The following RAP1GDS1 variants were observed in gnomAD, a reference collection of about 807,000 sequenced individuals.
RAP1GDS1 encodes the protein RAP1, GTP-GDP dissociation stimulator 1.
Under a neutral mutation model 71.1 loss-of-function variants are expected in RAP1GDS1, and 35 were observed. The ratio of observed to expected loss-of-function variants is 0.49; its 90% CI spans 0.38 to 0.65. RAP1GDS1 has a LOEUF of 0.65. Among genes scored for constraint, RAP1GDS1 ranks in the 30% least tolerant of loss-of-function variants. The pLI is 0.00. For missense variants in RAP1GDS1, 663 were observed against 706.1 expected, an observed-to-expected ratio of 0.94 and a Z score of 0.69; for synonymous variants, 229 against 243.1, an observed-to-expected ratio of 0.94 and a Z score of 0.54.
intron 1 of RAP1GDS1, among the ~76,000 whole-genome samples, chr4:98,275,800 T>C (rs1474528231): frequency 2.0e-5 from 3 of 152,166 alleles, no homozygotes; most frequent in Admixed American, 6.6e-5. Flanking sequence ...TTTAATATCA[T>C]TGGGTTCCCT....
At chr4:98,313,911 G>A (rs1730606572) in intron 2 of RAP1GDS1, among the ~76,000 whole-genome samples, 1 of 152,076 alleles carries the variant, frequency 6.6e-6, no homozygotes, top group African/African-American at 2.4e-5. Flanking sequence ...ACCTCACAAG[G>A]AGGCTCCAAA....
chr4:98,310,223 A>C (rs1286791948), intron 2 of RAP1GDS1, among the ~76,000 whole-genome samples: 1 of 152,112 alleles, frequency 6.6e-6, no homozygotes, highest in East Asian at 1.9e-4. Context: ...GTATGTGCCA[A>C]ACATTGTGCT....
intron 1 of RAP1GDS1, among the ~76,000 whole-genome samples, chr4:98,279,131 G>A (rs1406746294): frequency 2.0e-5 from 3 of 152,096 alleles, no homozygotes; most frequent in Non-Finnish European, 4.4e-5. Flanking sequence ...GGCTGAGGCA[G>A]GAGAATGGCA....
At chr4:98,310,544 G>T (rs77571958) in intron 2 of RAP1GDS1, among the ~76,000 whole-genome samples, 10,044 of 152,176 alleles carry the variant, frequency 0.066, 372 homozygotes, top group Admixed American at 0.13. Context: ...TTTGATTTTT[G>T]ATTGAATTCG....
chr4:98,322,967 G>A (rs1033977904), intron 2 of RAP1GDS1, among the ~76,000 whole-genome samples: 26 of 147,188 alleles, frequency 1.8e-4, no homozygotes, highest in East Asian at 1.2e-3. Flanking sequence ...CCTTCAAAAA[G>A]TCAATGAATC....
At chr4:98,388,104 T>G (rs1401581951) in intron 5 of RAP1GDS1, among the ~76,000 whole-genome samples, 1 of 152,162 alleles carries the variant, frequency 6.6e-6, no homozygotes, top group Non-Finnish European at 1.5e-5. Flanking sequence ...GAATATCAAC[T>G]TATCCTACAC....
rs550102696 is a variant in RAP1GDS1, at chr4:98,328,388, C to G, written c.113-14751C>G. Among the ~76,000 whole-genome samples, 9 of 152,256 alleles carry G rather than the reference C, an allele frequency of 5.9e-5. No individual in the cohort carries two copies. The East Asian group carries it at 1.3e-3, about 23-fold the overall frequency. On this transcript the variant is annotated intron_variant, in intron 2 of 14. Transcript: ENST00000408927. Reference sequence around the variant, plus strand: ...TCTTGTTCCAACACCTTGGGAAAAACCGTCTACCATGTAAAAATGTCACCT... The same window carrying G: ...TCTTGTTCCAACACCTTGGGAAAAAGCGTCTACCATGTAAAAATGTCACCT...
At chr4:98,288,141 A>G (rs1488256662) in intron 1 of RAP1GDS1, among the ~76,000 whole-genome samples, 1 of 152,072 alleles carries the variant, frequency 6.6e-6, no homozygotes, top group Non-Finnish European at 1.5e-5. Context: ...TTAACTCGTC[A>G]TTTAACAATA....
chr4:98,397,528 A>C (rs1161207805), intron 6 of RAP1GDS1, among the ~76,000 whole-genome samples: 2 of 152,140 alleles, frequency 1.3e-5, no homozygotes, highest in African/African-American at 4.8e-5. Flanking sequence ...AGGGAATAAA[A>C]AAGAAAAGCA....
intron 2 of RAP1GDS1, among the ~76,000 whole-genome samples, chr4:98,334,664 A>G (rs974202865): frequency 2.6e-5 from 4 of 152,142 alleles, no homozygotes. Context: ...AGCACTATAT[A>G]GTTCTTTTTC....
intron 5 of RAP1GDS1, among the ~76,000 whole-genome samples, chr4:98,382,049 A>G (rs1742099581): frequency 6.6e-6 from 1 of 151,626 alleles, no homozygotes; most frequent in Non-Finnish European, 1.5e-5. Flanking sequence ...CAAGTCATAT[A>G]TGTTATGAAA....
chr4:98,395,576 GA>G (rs1475627580), intron 6 of RAP1GDS1, among the ~76,000 whole-genome samples: 7 of 152,082 alleles, frequency 4.6e-5, no homozygotes, highest in Non-Finnish European at 7.4e-5. Context: ...TCTCATTTGG[GA>G]AAAAAGTGAA....
chr4:98,378,933 A>G, intron 4 of RAP1GDS1, 84 bp from the exon 5 acceptor site: 1 of 1,246,280 alleles, frequency 8.0e-7, no homozygotes, highest in Non-Finnish European at 1.1e-6. Context: ...CAAAATAAAG[A>G]ATAACACTGT....
intron 4 of RAP1GDS1, among the ~76,000 whole-genome samples, chr4:98,365,389 C>T (rs1217289517): frequency 6.6e-6 from 1 of 152,068 alleles, no homozygotes; most frequent in Non-Finnish European, 1.5e-5. Context: ...CTGAGGTGAG[C>T]AGATCCTTTG....
At chr4:98,265,573 T>A (rs1429691006) in intron 1 of RAP1GDS1, among the ~76,000 whole-genome samples, 1 of 152,136 alleles carries the variant, frequency 6.6e-6, no homozygotes, top group Admixed American at 6.5e-5. Context: ...GATCTGGAAG[T>A]TATCCACAAA....
rs529856871 is a variant in RAP1GDS1, at chr4:98,402,211, A to G, written c.638-2266A>G. Among the ~76,000 whole-genome samples the G allele has an allele frequency of 4.1e-4, 62 of 152,214 alleles. 1 individual carries two copies. In the South Asian group the frequency reaches 4.6e-3, roughly 11 times the overall value. On this transcript the variant is annotated intron_variant, in intron 6 of 14. Coordinates refer to ENST00000408927, the MANE Select transcript of RAP1GDS1 (RefSeq NM_001100427.2). ...CTCAGCCTCCTGAGTAGCTGGGACT[A>G]TAGGTGTATGCCATCACGCCCAGCT...
At position 98,352,477 on chromosome 4, in the gene RAP1GDS1, G is replaced by A. The variant is rs199790110; in HGVS notation, c.237G>A (p.Glu79=). The A allele has an allele frequency of 1.9e-6, 3 of 1,613,062 alleles. No individual in the cohort carries two copies. Among genetic ancestry groups the A allele is most frequent in the Non-Finnish European group, 2.5e-6 (3 of 1,179,420 alleles). The change falls in exon 4 of 15, where the codon GAG becomes GAA. Residue 79 remains glutamate, a splice_region_variant and synonymous_variant. Coordinates refer to ENST00000408927, the MANE Select transcript of RAP1GDS1 (RefSeq NM_001100427.2). ...ATTAAACATGTCTCTTATTTTCAGAGTTTATGCGAATTCCATGTGTGGATG... is the reference window on the plus strand; with the variant it reads ...ATTAAACATGTCTCTTATTTTCAGAATTTATGCGAATTCCATGTGTGGATG... ...ANIIAEVAKN[E]FMRIPCVDAG...
chr4:98,416,927 C>A, intron 8 of RAP1GDS1, 39 bp downstream of exon 8: 1 of 1,594,404 alleles, frequency 6.3e-7, no homozygotes, highest in South Asian at 1.1e-5. Flanking sequence ...ATGTGGTTGT[C>A]AGATGTTTTT....
chr4:98,274,713 C>T lies in RAP1GDS1; in HGVS notation c.4+13144C>T, dbSNP rs73832197. ...GACTCTTCATAGACTCTAACTCTTC[C>T]GTGATTTCAAGCTTGGAATTGACTT... On this transcript the variant is annotated intron_variant, in intron 1 of 14. Transcript: ENST00000408927. 3.9e-3 allele frequency among the ~76,000 whole-genome samples: 586 copies of T among 152,150 alleles called. 5 individuals are homozygous for T. Among genetic ancestry groups the T allele is most frequent in the African/African-American group, 0.013 (551 of 41,546 alleles).
Sources: gnomAD v4.1 joint callset for allele counts (sites outside exome capture counted in the v4.1 genomes callset) on GRCh38, gnomAD v4.1.1 for gene constraint, MANE v1.5 for transcripts, NCBI Gene and HGNC (gene_info 2026-07-23, HGNC 2026-07-21) for gene names.